The following FCHO1 variants were observed in gnomAD, a reference collection of about 807,000 sequenced individuals.
FCHO1 encodes the protein FCH and mu domain containing endocytic adaptor 1.
A neutral mutation model predicts 114.4 loss-of-function variants in FCHO1; 45 were observed. That is an observed-to-expected ratio of 0.39 (90% CI 0.31 to 0.50). FCHO1 has a LOEUF of 0.50. FCHO1 is among the 20% of genes least tolerant of loss of function. The pLI, the probability that FCHO1 is intolerant of heterozygous loss-of-function variation, is 0.77. For synonymous variants in FCHO1, 480 were observed against 488.9 expected (o/e 0.98, Z 0.24); for missense variants, 1,042 against 1,209.6 (o/e 0.86, Z 2.06).
rs139967668 is a variant in FCHO1 at position 17,784,899 on chromosome 19, G to A, written c.2401G>A (p.Val801Ile). Residue 801 changes from valine to isoleucine, a missense_variant, in exon 26 of 29, where the codon GTC becomes ATC. Val to Ile is a conservative substitution (Grantham distance 29). Transcript: ENST00000596536. This position sits in a 1 kb window ranked among gnomAD's most constrained non-coding sequence, Gnocchi z 5.3. Reference protein sequence around the residue: ...LLPVGEPVTNVRLQPAATWNL... With the variant: ...LLPVGEPVTNIRLQPAATWNL... The stretch of plus-strand genomic sequence containing the variant: ...GCCTGTGGGGGAGCCTGTGACCAAC[G>A]TCCGCTTGCAGCCGGCTGCCACCTG... 1.1e-4 allele frequency: 176 copies of A among 1,612,584 alleles called. No individual in the cohort carries two copies. In the African/African-American group the frequency reaches 1.8e-3, roughly 16 times the overall value.
chr19:17,756,317 C>T (rs1364724832), intron 4 of FCHO1, among the ~76,000 whole-genome samples: 2 of 152,200 alleles, frequency 1.3e-5, no homozygotes, highest in Non-Finnish European at 2.9e-5. Flanking sequence ...TTCTGAGCTC[C>T]TTTTAGTACT....
intron 7 of FCHO1, 53 bp from the exon 8 acceptor site, chr19:17,770,372 T>C: frequency 1.3e-6 from 2 of 1,550,526 alleles, no homozygotes; most frequent in Non-Finnish European, 1.8e-6. Flanking sequence ...GTGGAGTGTT[T>C]GGGAGGTCAG....
At chr19:17,757,138 C>G (rs1332763161) in intron 4 of FCHO1, among the ~76,000 whole-genome samples, 1 of 148,638 alleles carries the variant, frequency 6.7e-6, no homozygotes, top group African/African-American at 2.5e-5. Flanking sequence ...GCAGTGAGAT[C>G]GCGCCACTGC....
rs142764492 is a variant in FCHO1 at position 17,770,666 on chromosome 19, G to C, written c.489+89G>C. On this transcript the variant is annotated intron_variant, in intron 8 of 28. Coordinates refer to ENST00000596536, the MANE Select transcript of FCHO1 (RefSeq NM_015122.3). ...GAGTGGAAACACATCCCAGAGCGACGGTCCTGGAACCTGTGGGTGATCACA... is the reference window on the plus strand; with the variant it reads ...GAGTGGAAACACATCCCAGAGCGACCGTCCTGGAACCTGTGGGTGATCACA... 1.6e-3 allele frequency: 2,472 copies of C among 1,575,232 alleles called. 24 individuals are homozygous for C. In the African/African-American group the frequency reaches 0.027, roughly 17 times the overall value.
At chr19:17,770,709 A>ACCT in intron 8 of FCHO1, 83 bp from the exon 9 acceptor site, 2 of 1,580,070 alleles carry the variant, frequency 1.3e-6, no homozygotes, top group South Asian at 2.2e-5. Context: ...TACCCCGAGG[A>ACCT]GTTCACCTGC....
At chr19:17,768,722 A>AG (rs1196389286) in intron 7 of FCHO1, among the ~76,000 whole-genome samples, 3 of 125,168 alleles carry the variant, frequency 2.4e-5, no homozygotes, top group East Asian at 4.0e-4. Flanking sequence ...AAAAAAAAAA[A>AG]AGGAGAGAGA....
intron 4 of FCHO1, among the ~76,000 whole-genome samples, chr19:17,759,812 T>TA (rs112215096): frequency 2.4e-4 from 36 of 149,976 alleles, no homozygotes; most frequent in Admixed American, 1.3e-3. Context: ...ACACGCCTGT[T>TA]AAAAAAAAAA....
chr19:17,787,575 A>C, intron 27 of FCHO1, 107 bp from the exon 28 acceptor site: 2 of 1,302,882 alleles, frequency 1.5e-6, no homozygotes, highest in Non-Finnish European at 1.0e-6. Context: ...GATGGGGCAC[A>C]TAAAGGCCAC....
At chr19:17,762,579 C>T (rs1161995689) in intron 4 of FCHO1, 183 bp from the exon 5 acceptor site, 4 of 592,996 alleles carry the variant, frequency 6.7e-6, no homozygotes, top group Non-Finnish European at 1.2e-5. Flanking sequence ...TCTGATTGGA[C>T]AAATTTAAGG....
chr19:17,782,129 C>T (rs1248968143), intron 23 of FCHO1, among the ~76,000 whole-genome samples: 1 of 152,028 alleles, frequency 6.6e-6, no homozygotes, highest in Non-Finnish European at 1.5e-5. Context: ...CCTGTCTCAG[C>T]CTCCCGAGTA....
At chr19:17,774,637 G>T (rs1489720842) in intron 13 of FCHO1, 159 bp downstream of exon 13, 2 of 622,742 alleles carry the variant, frequency 3.2e-6, no homozygotes, top group Non-Finnish European at 5.6e-6. Context: ...GAGTACCTCT[G>T]CCCCCGGCTA....
intron 19 of FCHO1, 129 bp from the exon 20 acceptor site, chr19:17,778,480 G>A: frequency 9.4e-7 from 1 of 1,059,626 alleles, no homozygotes; most frequent in Non-Finnish European, 1.3e-6. Context: ...GTAGCCTTGG[G>A]GGCGTGCACA....
At chr19:17,783,583 AATT>A (rs2093625266) in intron 24 of FCHO1, among the ~76,000 whole-genome samples, 1 of 119,152 alleles carries the variant, frequency 8.4e-6, no homozygotes, top group South Asian at 2.6e-4. Context: ...TTTTTTTTTT[AATT>A]ATTATTTTTT....
In FCHO1 at chr19:17,775,676, G is replaced by T. The variant is rs2092530198; in HGVS notation, c.1003+163G>T. Among the ~76,000 whole-genome samples the T allele has an allele frequency of 6.6e-6, 1 of 152,090 alleles. No individual in the cohort carries two copies. The highest frequency in any genetic ancestry group is 1.5e-5 in the Non-Finnish European group (1 of 68,028). ...TGTAAACACCCACTCTATGGGGTCA[G>T]CACTGGGCAAGAGGGAGAGAGAAAA... On this transcript the variant is annotated intron_variant, in intron 15 of 28. Transcript: ENST00000596536. This position sits in a 1 kb window ranked among gnomAD's most constrained non-coding sequence, Gnocchi z 5.1.
intron 20 of FCHO1, 35 bp downstream of exon 20, chr19:17,778,919 G>A: frequency 6.7e-7 from 1 of 1,498,152 alleles, no homozygotes. Context: ...AGAGTTGCTG[G>A]AACCCTGGGC....
At chr19:17,777,625 C>T (rs961243436) in intron 18 of FCHO1, among the ~76,000 whole-genome samples, 86 of 151,228 alleles carry the variant, frequency 5.7e-4, no homozygotes, top group African/African-American at 2.0e-3. Context: ...GCAGATGACG[C>T]GAAGACAGGA....
At chr19:17,766,477 A>G (rs769182261) in intron 6 of FCHO1, 192 bp from the exon 7 acceptor site, 15 of 635,588 alleles carry the variant, frequency 2.4e-5, no homozygotes, top group Non-Finnish European at 4.0e-5. Flanking sequence ...GAGGAGCTAT[A>G]GAGCTCCCTA....
intron 24 of FCHO1, 92 bp downstream of exon 24, chr19:17,783,264 T>A (rs1458693577): frequency 1.0e-5 from 14 of 1,399,434 alleles, no homozygotes; most frequent in Admixed American, 2.3e-5. Flanking sequence ...CTGGGATTTT[T>A]TCTTTTCTTT....
In FCHO1 at chr19:17,772,440, C is replaced by T. The variant is rs368303042; in HGVS notation, c.595-17C>T. 1.2e-6 allele frequency: 2 copies of T among 1,608,728 alleles called. No homozygotes were observed. The highest frequency in any genetic ancestry group is 1.3e-5 in the African/African-American group (1 of 74,798). On this transcript the variant is annotated splice_polypyrimidine_tract_variant and intron_variant, in intron 9 of 28. Transcript: ENST00000596536. ...GCCCTGACCTCCTTTCCACCTGCCT[C>T]TGCCCTCCTGCTTCAGCGCTTCCAA...
Sources: gnomAD v4.1 joint callset for allele counts (sites outside exome capture counted in the v4.1 genomes callset) on GRCh38, gnomAD v4.1.1 for gene constraint, Gnocchi (gnomAD v3.1) non-coding constraint, MANE v1.5 for transcripts, NCBI Gene and HGNC (gene_info 2026-07-23, HGNC 2026-07-21) for gene names.